FGGY: variants seen among roughly 807,000 people sequenced by gnomAD.
The protein encoded by FGGY is FGGY carbohydrate kinase domain containing, also known as FGGY carbohydrate kinase domain-containing protein.
FGGY carries 72 observed loss-of-function variants against 71.3 expected under a neutral mutation model. The observed-to-expected ratio is 1.01, with a 90% CI of 0.84 to 1.23. The LOEUF is 1.23. Ranked by LOEUF, FGGY falls within the 50% of genes most tolerant of loss-of-function variation. The pLI, the probability that FGGY is intolerant of heterozygous loss-of-function variation, is 0.00. For synonymous variants in FGGY, 251 were observed against 250.3 expected (o/e 1.00, Z -0.02); for missense variants, 668 against 682.3 (o/e 0.98, Z 0.23).
intron 14 of FGGY, among the ~76,000 whole-genome samples, chr1:59,740,704 C>T (rs1188008426): frequency 1.3e-5 from 2 of 152,224 alleles, no homozygotes; most frequent in African/African-American, 4.8e-5. Context: ...ATCAGAGACT[C>T]TTTCATCTCC....
chr1:59,495,733 G>A (rs971548176), intron 6 of FGGY, among the ~76,000 whole-genome samples: 4 of 152,026 alleles, frequency 2.6e-5, no homozygotes, highest in South Asian at 2.1e-4. Context: ...ATTGAATTGG[G>A]GGGAGGGGTC....
At position 59,747,065 on chromosome 1, in the gene FGGY, G is replaced by A. The variant is rs147402177; in HGVS notation, c.1513-10866G>A. Among the ~76,000 whole-genome samples, 18 of 152,222 alleles carry A rather than the reference G, an allele frequency of 1.2e-4. No homozygotes were observed. The East Asian group carries it at 3.5e-3, about 29-fold the overall frequency. On this transcript the variant is annotated intron_variant, in intron 14 of 15. Transcript: ENST00000303721. ...ATTGAGTTACTATTATTTAATTACA[G>A]CTCACGGCAGTACTATATACCTTCT...
rs369066548 is a variant in FGGY, at chr1:59,689,554, C to T, written c.1512+15421C>T. ...AAAAAATGTTGCAAGCTGATAGTCT[C>T]ACTTTAAAAAAAAAAACGTTAAGTC... On this transcript the variant is annotated intron_variant, in intron 14 of 15. Transcript: ENST00000303721. 2.6e-4 allele frequency among the ~76,000 whole-genome samples: 40 copies of T among 151,470 alleles called. 1 individual carries two copies. In the South Asian group the frequency reaches 7.7e-3, roughly 29 times the overall value.
chr1:59,510,549 C>T (rs764855695), intron 6 of FGGY, among the ~76,000 whole-genome samples: 29 of 152,296 alleles, frequency 1.9e-4, no homozygotes, highest in Non-Finnish European at 4.0e-4. Flanking sequence ...TCTGCCCCAT[C>T]CTTTGAGCAT....
At chr1:59,484,924 G>T (rs1278626765) in intron 6 of FGGY, among the ~76,000 whole-genome samples, 1 of 151,872 alleles carries the variant, frequency 6.6e-6, no homozygotes, top group Non-Finnish European at 1.5e-5. Flanking sequence ...TCTTTAAAAT[G>T]GTTCAAAAAT....
chr1:59,527,216 TTA>T (rs2095013046), intron 7 of FGGY, among the ~76,000 whole-genome samples: 1 of 152,230 alleles, frequency 6.6e-6, no homozygotes, highest in Non-Finnish European at 1.5e-5. Flanking sequence ...CATTTTAAGC[TTA>T]GAGCAAAAGC....
intron 8 of FGGY, among the ~76,000 whole-genome samples, chr1:59,588,982 G>C (rs1460530774): frequency 6.6e-6 from 1 of 152,202 alleles, no homozygotes; most frequent in Non-Finnish European, 1.5e-5. Flanking sequence ...CCAATTAAAA[G>C]ACACAGTCTG....
intron 6 of FGGY, among the ~76,000 whole-genome samples, chr1:59,473,558 G>A (rs2093101316): frequency 6.6e-6 from 1 of 152,202 alleles, no homozygotes; most frequent in African/African-American, 2.4e-5. Context: ...CACAGACATG[G>A]AGGCATGGAA....
intron 5 of FGGY, among the ~76,000 whole-genome samples, chr1:59,402,124 G>A (rs900881134): frequency 1.3e-5 from 2 of 152,190 alleles, no homozygotes; most frequent in Non-Finnish European, 2.9e-5. Flanking sequence ...ATGTAGGGGC[G>A]AGTACAGTGG....
At chr1:59,533,470 C>A (rs1017811654) in intron 7 of FGGY, among the ~76,000 whole-genome samples, 1 of 152,198 alleles carries the variant, frequency 6.6e-6, no homozygotes, top group Non-Finnish European at 1.5e-5. Flanking sequence ...GCAAAGCAGC[C>A]GGGAAGCTCG....
At chr1:59,356,700 T>C (rs992280032) in intron 4 of FGGY, among the ~76,000 whole-genome samples, 1 of 152,354 alleles carries the variant, frequency 6.6e-6, no homozygotes, top group East Asian at 1.9e-4. Flanking sequence ...CATTCCAAAC[T>C]AAAGGTTCAC....
At chr1:59,699,148 A>C (rs1032212615) in intron 14 of FGGY, 1 of 985,288 alleles carries the variant, frequency 1.0e-6, no homozygotes, top group Non-Finnish European at 1.2e-6. Flanking sequence ...TTATACCACA[A>C]ACTTTTAGTA....
chr1:59,527,743 G>A (rs985937740), intron 7 of FGGY, among the ~76,000 whole-genome samples: 27 of 152,128 alleles, frequency 1.8e-4, no homozygotes, highest in African/African-American at 6.5e-4. Flanking sequence ...CTGTTTACTG[G>A]AGACAGAATG....
At chr1:59,533,635 C>T (rs544065652) in intron 7 of FGGY, among the ~76,000 whole-genome samples, 47 of 152,338 alleles carry the variant, frequency 3.1e-4, no homozygotes, top group Middle Eastern at 3.4e-3. Context: ...TCTCCCAGCA[C>T]GCAGCTGGAG....
intron 5 of FGGY, among the ~76,000 whole-genome samples, chr1:59,443,872 T>C (rs2070583292): frequency 6.6e-6 from 1 of 152,138 alleles, no homozygotes; most frequent in African/African-American, 2.4e-5. Flanking sequence ...GGGTAGACCT[T>C]GCAGAGGAAG....
chr1:59,607,918 G>T lies in FGGY; in HGVS notation c.1011+8G>T, dbSNP rs2096638983. ...AGCGTTACTGGAAAATTGGTAAGTT[G>T]ACACTTTCTCAATAGGGTCATGGAT... On this transcript the variant is annotated splice_region_variant and intron_variant, in intron 9 of 15. Coordinates refer to ENST00000303721, the MANE Select transcript of FGGY (RefSeq NM_018291.5). The T allele has an allele frequency of 2.5e-6, 4 of 1,607,134 alleles. No homozygotes were observed. In the East Asian group the frequency reaches 8.9e-5, roughly 36 times the overall value.
At chr1:59,654,371 A>G (rs965694559) in intron 11 of FGGY, among the ~76,000 whole-genome samples, 13 of 152,322 alleles carry the variant, frequency 8.5e-5, no homozygotes, top group African/African-American at 2.9e-4. Context: ...CTGAGCAAGC[A>G]GAGCATTTCT....
At chr1:59,713,633 T>C (rs1295860702) in intron 14 of FGGY, among the ~76,000 whole-genome samples, 2 of 152,256 alleles carry the variant, frequency 1.3e-5, no homozygotes, top group African/African-American at 4.8e-5. Context: ...AGAGTAAATA[T>C]GGAGCAGTTG....
At chr1:59,612,662 T>C (rs1286616714) in intron 9 of FGGY, among the ~76,000 whole-genome samples, 1 of 152,228 alleles carries the variant, frequency 6.6e-6, no homozygotes, top group Non-Finnish European at 1.5e-5. Context: ...ACCTTATATG[T>C]AAATGGGCTA....
Sources: allele counts gnomAD v4.1 joint callset (sites outside exome capture counted in the v4.1 genomes callset), GRCh38; gene constraint gnomAD v4.1.1; transcripts MANE v1.5; gene names NCBI Gene and HGNC (gene_info 2026-07-23, HGNC 2026-07-21).